CSMD1: variants seen among roughly 807,000 people sequenced by gnomAD.
CSMD1 encodes the protein CUB and sushi domain-containing protein 1.
In CSMD1, 213 loss-of-function variants were observed where a neutral mutation model predicts 417.5. The ratio of observed to expected loss-of-function variants is 0.51; its 90% CI spans 0.46 to 0.57. The LOEUF is 0.57. CSMD1 is among the 20% of genes least tolerant of loss of function. The pLI is 0.00. For synonymous variants in CSMD1, 2,862 were observed against 1,736.8 expected, an observed-to-expected ratio of 1.65 and a Z score of -16.11; for missense variants, 6,923 against 4,529.7, an observed-to-expected ratio of 1.53 and a Z score of -15.17.
chr8:4,463,849 T>G (rs1256125232), intron 2 of CSMD1, among the ~76,000 whole-genome samples: 3 of 152,118 alleles, frequency 2.0e-5, no homozygotes, highest in African/African-American at 7.2e-5. Flanking sequence ...AGGAATATAT[T>G]AAAAAGCACT....
At chr8:4,595,056 G>T (rs765324911) in intron 2 of CSMD1, among the ~76,000 whole-genome samples, 2 of 152,284 alleles carry the variant, frequency 1.3e-5, no homozygotes, top group South Asian at 2.1e-4. Context: ...AACCTTAGAG[G>T]TGTAAACATA....
chr8:4,701,014 G>C (rs1254297885), intron 1 of CSMD1, among the ~76,000 whole-genome samples: 1 of 152,150 alleles, frequency 6.6e-6, no homozygotes, highest in Non-Finnish European at 1.5e-5. Flanking sequence ...GTTTATCGGT[G>C]AACGGGAGGC....
At chr8:4,071,288 T>C (rs1158477272) in intron 3 of CSMD1, among the ~76,000 whole-genome samples, 1 of 152,156 alleles carries the variant, frequency 6.6e-6, no homozygotes, top group Non-Finnish European at 1.5e-5. Context: ...TTTTCAGTCT[T>C]ATTTTCTCTA....
At chr8:4,066,383 G>T (rs529490657) in intron 3 of CSMD1, among the ~76,000 whole-genome samples, 2 of 152,142 alleles carry the variant, frequency 1.3e-5, no homozygotes, top group Admixed American at 6.5e-5. Flanking sequence ...TCAGCGCAGG[G>T]ATGTTTGGCA....
intron 21 of CSMD1, among the ~76,000 whole-genome samples, chr8:3,358,562 C>A (rs1225666450): frequency 6.6e-6 from 1 of 152,092 alleles, no homozygotes; most frequent in Non-Finnish European, 1.5e-5. Flanking sequence ...GAGCCTAGTA[C>A]TTCATGGCAA....
At chr8:4,682,668 C>G (rs1452679220) in intron 1 of CSMD1, among the ~76,000 whole-genome samples, 1 of 151,724 alleles carries the variant, frequency 6.6e-6, no homozygotes, top group Non-Finnish European at 1.5e-5. Context: ...TTACAGATCA[C>G]AATAGTGTAC....
intron 10 of CSMD1, among the ~76,000 whole-genome samples, chr8:3,499,196 C>T (rs1175633332): frequency 1.3e-5 from 2 of 152,022 alleles, no homozygotes; most frequent in South Asian, 2.1e-4. Flanking sequence ...GGGTAGGGTG[C>T]TTTGGTTTGT....
At chr8:3,268,536 T>G (rs1362379442) in intron 26 of CSMD1, among the ~76,000 whole-genome samples, 1 of 151,950 alleles carries the variant, frequency 6.6e-6, no homozygotes, top group Non-Finnish European at 1.5e-5. Context: ...TCCGCCCACC[T>G]CGGCCTCCTA....
intron 6 of CSMD1, among the ~76,000 whole-genome samples, chr8:3,717,127 A>T (rs1801884910): frequency 6.6e-6 from 1 of 152,194 alleles, no homozygotes; most frequent in African/African-American, 2.4e-5. Context: ...TATAGCCCTG[A>T]CTTTAACCAC....
chr8:2,992,492 T>C (rs934648489), intron 54 of CSMD1, among the ~76,000 whole-genome samples: 55 of 151,968 alleles, frequency 3.6e-4, no homozygotes, highest in African/African-American at 1.3e-3. Context: ...GGCGTGATCT[T>C]GGCTCACTGC....
chr8:3,784,549 G>T (rs1025622672), intron 5 of CSMD1, among the ~76,000 whole-genome samples: 1 of 152,086 alleles, frequency 6.6e-6, no homozygotes, highest in Non-Finnish European at 1.5e-5. Context: ...GTCCCTCATG[G>T]TCATAAAATG....
At chr8:4,155,333 G>A (rs541272786) in intron 3 of CSMD1, among the ~76,000 whole-genome samples, 2 of 152,258 alleles carry the variant, frequency 1.3e-5, no homozygotes, top group East Asian at 1.9e-4. Context: ...AGTCTCACCT[G>A]CATGACTCCC....
At chr8:3,482,897 G>C (rs1817826609) in intron 11 of CSMD1, among the ~76,000 whole-genome samples, 1 of 152,130 alleles carries the variant, frequency 6.6e-6, no homozygotes, top group African/African-American at 2.4e-5. Context: ...CAAAGGGAAA[G>C]TCTCAAGTGA....
At chr8:4,208,039 T>C (rs904296481) in intron 3 of CSMD1, among the ~76,000 whole-genome samples, 2 of 152,110 alleles carry the variant, frequency 1.3e-5, no homozygotes, top group South Asian at 2.1e-4. Flanking sequence ...AATATGTAAA[T>C]ATATGAGGGT....
At chr8:4,168,305 G>C (rs915733427) in intron 3 of CSMD1, among the ~76,000 whole-genome samples, 5 of 151,796 alleles carry the variant, frequency 3.3e-5, no homozygotes, top group Non-Finnish European at 5.9e-5. Context: ...GAGGCAGAAA[G>C]GGCTCCCTTG....
intron 1 of CSMD1, among the ~76,000 whole-genome samples, chr8:4,766,717 C>A (rs1313959697): frequency 6.6e-6 from 1 of 152,216 alleles, no homozygotes; most frequent in African/African-American, 2.4e-5. Flanking sequence ...TCCAAGTAAA[C>A]AGAACCTCCA....
intron 1 of CSMD1, among the ~76,000 whole-genome samples, chr8:4,810,058 T>C (rs1447463277): frequency 1.3e-5 from 2 of 152,224 alleles, no homozygotes; most frequent in Non-Finnish European, 2.9e-5. Flanking sequence ...TATACAAAAA[T>C]ACCAGTTAAA....
At chr8:4,510,602 G>GCCTTCCTTCCCTCCTC (rs1163513003) in intron 2 of CSMD1, among the ~76,000 whole-genome samples, 1 of 127,858 alleles carries the variant, frequency 7.8e-6, no homozygotes, top group East Asian at 2.4e-4. Flanking sequence ...CTTCCTTCTT[G>GCCTTCCTTCCCTCCTC]CCTTCCTTCC....
At chr8:3,217,253 C>G (rs764239137) in intron 29 of CSMD1, among the ~76,000 whole-genome samples, 1 of 152,242 alleles carries the variant, frequency 6.6e-6, no homozygotes, top group Non-Finnish European at 1.5e-5. Flanking sequence ...ATTCTCTTTC[C>G]TGTGATTTTT....
Sources: allele counts gnomAD v4.1 joint callset (sites outside exome capture counted in the v4.1 genomes callset), GRCh38; gene constraint gnomAD v4.1.1; transcripts MANE v1.5; gene names NCBI Gene and HGNC (gene_info 2026-07-23, HGNC 2026-07-21).